Variants in PCDHA13 observed in about 807,000 individuals in gnomAD.
The protein encoded by PCDHA13 is protocadherin alpha-13.
In PCDHA13, 54 loss-of-function variants were observed where a neutral mutation model predicts 64.8. The ratio of observed to expected loss-of-function variants is 0.83; its 90% CI spans 0.67 to 1.04. The LOEUF is 1.04. Among genes scored for constraint, PCDHA13 ranks in the 50% least tolerant of loss-of-function variants. The pLI, the probability that PCDHA13 is intolerant of heterozygous loss-of-function variation, is 0.00. For missense variants in PCDHA13, 1,248 were observed against 1,254.3 expected (o/e 0.99, Z 0.08); for synonymous variants, 587 against 564.4 (o/e 1.04, Z -0.57).
chr5:140,957,014 G>A (rs2095325954), intron 1 of PCDHA13, among the ~76,000 whole-genome samples: 1 of 152,124 alleles, frequency 6.6e-6, no homozygotes, highest in South Asian at 2.1e-4. Flanking sequence ...ATTTCTCAGT[G>A]AGCATTTAGA....
At chr5:140,949,336 A>G (rs1585327315) in intron 1 of PCDHA13, among the ~76,000 whole-genome samples, 1 of 151,920 alleles carries the variant, frequency 6.6e-6, no homozygotes, top group South Asian at 2.1e-4. Context: ...ATTGTTATCC[A>G]GATTTTCTGT....
intron 1 of PCDHA13, chr5:140,929,303 A>G (rs782378312): frequency 1.1e-5 from 17 of 1,586,722 alleles, no homozygotes; most frequent in Non-Finnish European, 1.1e-5. Context: ...AGGAAAGGGG[A>G]TCACGCTAAT....
intron 1 of PCDHA13, among the ~76,000 whole-genome samples, chr5:140,906,729 G>T (rs1444256364): frequency 1.3e-5 from 2 of 152,184 alleles, no homozygotes; most frequent in Admixed American, 1.3e-4. Flanking sequence ...TGCTGTTGTA[G>T]TTTCCCATTG....
chr5:141,006,426 G>A (rs2153987618), intron 3 of PCDHA13, among the ~76,000 whole-genome samples: 1 of 152,170 alleles, frequency 6.6e-6, no homozygotes, highest in Admixed American at 6.5e-5. Context: ...TGTTAGCCAG[G>A]ATGGTCTCAA....
intron 1 of PCDHA13, among the ~76,000 whole-genome samples, chr5:140,903,535 G>A (rs1311718035): frequency 3.3e-5 from 5 of 152,178 alleles, no homozygotes; most frequent in African/African-American, 1.2e-4. Flanking sequence ...CTTTAAACTA[G>A]AGCAAGAAAC....
intron 1 of PCDHA13, among the ~76,000 whole-genome samples, chr5:140,975,052 T>C (rs2096651440): frequency 6.6e-6 from 1 of 152,206 alleles, no homozygotes; most frequent in South Asian, 2.1e-4. Context: ...AGGAAGAATC[T>C]ACTATCGAGC....
chr5:140,946,611 AATATAT>A (rs1554217734), intron 1 of PCDHA13, among the ~76,000 whole-genome samples: 5 of 86,812 alleles, frequency 5.8e-5, no homozygotes, highest in African/African-American at 2.5e-4. Context: ...GAAAATGTGA[AATATAT>A]ATATATATAT....
At chr5:141,002,532 C>T (rs571310813) in intron 3 of PCDHA13, among the ~76,000 whole-genome samples, 26 of 152,270 alleles carry the variant, frequency 1.7e-4, no homozygotes, top group African/African-American at 6.0e-4. Flanking sequence ...AGTCAGACTC[C>T]CTAGATTTGA....
At position 140,884,418 on chromosome 5, in the gene PCDHA13, T is replaced by C; in HGVS notation, c.2150T>C (p.Leu717Pro). The C allele has an allele frequency of 1.2e-6, 2 of 1,613,974 alleles. No individual in the cohort carries two copies. Among genetic ancestry groups the C allele is most frequent in the South Asian group, 2.2e-5 (2 of 91,084 alleles). The change falls in exon 1 of 4, where the codon CTG becomes CCG. Residue 717 changes from leucine to proline, a missense_variant. Coordinates refer to ENST00000289272, the MANE Select transcript of PCDHA13 (RefSeq NM_018904.3). Reference sequence around the variant, plus strand: ...AGCCTGTTGGTGCTCACGTTGCTGCTGTATACTGCGCTGCGGTGCTCGGCA... The same window carrying C: ...AGCCTGTTGGTGCTCACGTTGCTGCCGTATACTGCGCTGCGGTGCTCGGCA... ...VSSLLVLTLL[L>P]YTALRCSAPP...
chr5:140,985,759 T>TTTTA (rs2097169056), intron 3 of PCDHA13, among the ~76,000 whole-genome samples: 2 of 149,086 alleles, frequency 1.3e-5, no homozygotes, highest in East Asian at 2.0e-4. Context: ...TTTTTTTTTT[T>TTTTA]GAGACAGTCT....
chr5:140,974,057 G>A (rs1302269611), intron 1 of PCDHA13, among the ~76,000 whole-genome samples: 1 of 152,154 alleles, frequency 6.6e-6, no homozygotes, highest in Non-Finnish European at 1.5e-5. Flanking sequence ...ATAATATTTG[G>A]AGCAGTATAA....
chr5:140,882,698 G>GA lies in PCDHA13; in HGVS notation c.432dup (p.Ser145IlefsTer2). The GA allele has an allele frequency of 6.2e-7, 1 of 1,614,200 alleles. No individual in the cohort carries two copies. Among genetic ancestry groups the GA allele is most frequent in the Non-Finnish European group, 8.5e-7 (1 of 1,180,036 alleles). ...AAGCAAGAAACGAATAATCATTGCA[G>GA]AATCTAGACCTCCGGAAACTCGATT... is the stretch of plus-strand genomic sequence containing the variant. On this transcript the variant is annotated frameshift_variant, in exon 1 of 4. Coordinates refer to ENST00000289272, the MANE Select transcript of PCDHA13 (RefSeq NM_018904.3). LOFTEE classifies it high-confidence loss of function.
At chr5:140,904,440 A>G (rs1455600144) in intron 1 of PCDHA13, among the ~76,000 whole-genome samples, 1 of 151,204 alleles carries the variant, frequency 6.6e-6, no homozygotes, top group Non-Finnish European at 1.5e-5. Flanking sequence ...TATGTATATT[A>G]CAATTTCTTT....
chr5:140,918,572 G>T (rs2153549346), intron 1 of PCDHA13, among the ~76,000 whole-genome samples: 1 of 152,264 alleles, frequency 6.6e-6, no homozygotes, highest in Middle Eastern at 3.4e-3. Context: ...ATATTATGCT[G>T]CTATTGGCTA....
In PCDHA13 at chr5:140,882,282, G is replaced by T. The variant is rs145553181; in HGVS notation, c.14G>T (p.Trp5Leu). The change falls in exon 1 of 4, where the codon TGG becomes TTG. Residue 5 changes from tryptophan (W) to leucine (L), a missense_variant. Coordinates refer to ENST00000289272, the MANE Select transcript of PCDHA13 (RefSeq NM_018904.3). Reference protein sequence around the residue: MLSSWQGGPRPRQLL... With the variant: MLSSLQGGPRPRQLL... Reference sequence around the variant, plus strand: ...TTGGAGTGTACCATGCTGTCTTCCTGGCAAGGAGGCCCAAGACCGCGGCAA... The same window carrying T: ...TTGGAGTGTACCATGCTGTCTTCCTTGCAAGGAGGCCCAAGACCGCGGCAA... 4.2e-5 allele frequency: 68 copies of T among 1,612,712 alleles called. No individual in the cohort carries two copies. The African/African-American group carries it at 8.4e-4, about 20-fold the overall frequency.
chr5:140,978,920 A>G, intron 1 of PCDHA13, 29 bp from the exon 2 acceptor site: 1 of 1,614,014 alleles, frequency 6.2e-7, no homozygotes, highest in Non-Finnish European at 8.5e-7. Context: ...TTGTCATTTT[A>G]ACAGAAAACT....
chr5:140,957,257 T>C (rs2095345219), intron 1 of PCDHA13, among the ~76,000 whole-genome samples: 1 of 152,184 alleles, frequency 6.6e-6, no homozygotes, highest in Admixed American at 6.5e-5. Context: ...AATTTAAATA[T>C]GTAAGCACTA....
At chr5:141,007,379 C>T (rs1178671835) in intron 3 of PCDHA13, among the ~76,000 whole-genome samples, 1 of 139,926 alleles carries the variant, frequency 7.1e-6, no homozygotes, top group Non-Finnish European at 1.5e-5. Context: ...GATGGAACAC[C>T]ATCTCTACTA....
intron 3 of PCDHA13, among the ~76,000 whole-genome samples, chr5:141,000,102 C>T (rs537991787): frequency 8.5e-5 from 13 of 152,172 alleles, no homozygotes; most frequent in East Asian, 5.8e-4. Context: ...AGCTCAACTC[C>T]GTCTCTTCCC....
Sources: allele counts gnomAD v4.1 joint callset (sites outside exome capture counted in the v4.1 genomes callset), GRCh38; gene constraint gnomAD v4.1.1; transcripts MANE v1.5; gene names NCBI Gene and HGNC (gene_info 2026-07-23, HGNC 2026-07-21).